The following UNC13B variants were observed in gnomAD, a reference collection of about 807,000 sequenced individuals.
UNC13B encodes unc-13 homolog B.
In UNC13B, 144 loss-of-function variants were observed where a neutral mutation model predicts 211.0. That is an observed-to-expected ratio of 0.68 (90% CI 0.60 to 0.78). The LOEUF (loss-of-function observed/expected upper bound fraction) is 0.78, where lower values mean the gene tolerates loss of function less well. Among genes scored for constraint, UNC13B ranks in the 30% least tolerant of loss-of-function variants. The pLI is 0.00. For synonymous variants in UNC13B, 709 were observed against 725.8 expected (o/e 0.98, Z 0.37); for missense variants, 1,777 against 2,002.0 (o/e 0.89, Z 2.14).
intron 11 of UNC13B, among the ~76,000 whole-genome samples, chr9:35,325,453 A>G (rs1217603006): frequency 6.6e-6 from 1 of 152,226 alleles, no homozygotes; most frequent in Non-Finnish European, 1.5e-5. Context: ...TAAGTGACAT[A>G]GAGACAAGGA....
At chr9:35,285,838 A>G (rs371711070) in intron 7 of UNC13B, among the ~76,000 whole-genome samples, 1 of 152,210 alleles carries the variant, frequency 6.6e-6, no homozygotes, top group South Asian at 2.1e-4. Context: ...AAGGAAGGAG[A>G]TTTCAGCAGA....
intron 1 of UNC13B, among the ~76,000 whole-genome samples, chr9:35,209,219 C>T (rs1009869918): frequency 6.6e-5 from 10 of 152,050 alleles, no homozygotes; most frequent in South Asian, 4.2e-4. Flanking sequence ...CATATACCAC[C>T]GCACCGGCTA....
chr9:35,231,043 T>A, intron 2 of UNC13B, 77 bp from the exon 3 acceptor site: 1 of 954,924 alleles, frequency 1.0e-6, no homozygotes, highest in Non-Finnish European at 1.6e-6. Context: ...TCTATATTGC[T>A]TAATTCCAAG....
At chr9:35,181,798 T>C (rs1054594889) in intron 1 of UNC13B, among the ~76,000 whole-genome samples, 2 of 152,130 alleles carry the variant, frequency 1.3e-5, no homozygotes, top group African/African-American at 4.8e-5. Context: ...GATCAGCCAC[T>C]GCACTTCAGC....
chr9:35,370,283 A>T (rs1938027702), intron 12 of UNC13B, 35 bp from the exon 13 acceptor site: 8 of 1,603,004 alleles, frequency 5.0e-6, no homozygotes, highest in Non-Finnish European at 6.8e-6. Flanking sequence ...TCAAAGCAAG[A>T]CTGACGGTCC....
chr9:35,180,482 C>CT (rs545028895), intron 1 of UNC13B, among the ~76,000 whole-genome samples: 60 of 148,502 alleles, frequency 4.0e-4, no homozygotes, highest in African/African-American at 9.4e-4. Flanking sequence ...ACAATTTATT[C>CT]TTTTTTTTTT....
chr9:35,308,982 T>A (rs1479008631), intron 9 of UNC13B, among the ~76,000 whole-genome samples: 1 of 152,222 alleles, frequency 6.6e-6, no homozygotes, highest in East Asian at 1.9e-4. Context: ...CATAGTTTCT[T>A]CCATGGTATC....
At chr9:35,186,926 G>A (rs1446293871) in intron 1 of UNC13B, among the ~76,000 whole-genome samples, 1 of 152,018 alleles carries the variant, frequency 6.6e-6, no homozygotes, top group Non-Finnish European at 1.5e-5. Flanking sequence ...TAGCCAGGGT[G>A]TGACATATTA....
In UNC13B at chr9:35,390,719, G is replaced by A. The variant is rs147655003; in HGVS notation, c.11308+5G>A. 1 of 1,613,314 alleles carries A rather than the reference G, an allele frequency of 6.2e-7. No individual in the cohort carries two copies. The highest frequency in any genetic ancestry group is 1.3e-5 in the African/African-American group (1 of 74,988). On this transcript the variant is annotated splice_donor_5th_base_variant and intron_variant, in intron 26 of 39. Coordinates refer to ENST00000635942, the MANE Select transcript of UNC13B (RefSeq NM_001371189.2). ...ACATGAAATATGCATTGGAGGGTAA[G>A]GATCTGTTCAAATCAGTGGGCTGCC... is the stretch of plus-strand genomic sequence containing the variant.
intron 1 of UNC13B, among the ~76,000 whole-genome samples, chr9:35,218,486 G>A (rs1360162315): frequency 2.0e-5 from 3 of 151,860 alleles, no homozygotes; most frequent in Admixed American, 6.6e-5. Flanking sequence ...AGACTAGAGT[G>A]CAGTGGCATG....
At chr9:35,317,517 G>A (rs1032898270) in intron 11 of UNC13B, among the ~76,000 whole-genome samples, 4 of 129,382 alleles carry the variant, frequency 3.1e-5, no homozygotes, top group Admixed American at 7.9e-5. Context: ...GGCTAAAGAA[G>A]CTTTTTTTTT....
intron 7 of UNC13B, among the ~76,000 whole-genome samples, chr9:35,273,780 G>A (rs1268071632): frequency 6.6e-6 from 1 of 152,232 alleles, no homozygotes; most frequent in African/African-American, 2.4e-5. Context: ...CCAGAAACAA[G>A]ACTAGCTTTA....
intron 1 of UNC13B, among the ~76,000 whole-genome samples, chr9:35,170,166 T>TA (rs796679569): frequency 6.6e-6 from 1 of 152,306 alleles, no homozygotes; most frequent in South Asian, 2.1e-4. Context: ...ATTACTGTTT[T>TA]TTTTTTGTTT....
In UNC13B at chr9:35,377,551, C is replaced by A. The variant is rs374967761; in HGVS notation, c.9919C>A (p.Arg3307=). The A allele has an allele frequency of 4.3e-6, 7 of 1,614,076 alleles. No homozygotes were observed. The highest frequency in any genetic ancestry group is 5.9e-6 in the Non-Finnish European group (7 of 1,180,048). The part of the protein sequence containing the change: ...IMAMKDRMKI[R]ERNKPEIFEV... ...GGCCATGAAGGACCGCATGAAGATC[C>A]GAGAGCGAAATAAGCCAGAGATCTT... Residue 3307 remains arginine (R), a synonymous_variant, in exon 16 of 40, where the codon CGA becomes AGA. Transcript: ENST00000635942.
intron 31 of UNC13B, 64 bp from the exon 32 acceptor site, chr9:35,398,490 G>C: frequency 6.6e-7 from 1 of 1,508,262 alleles, no homozygotes; most frequent in Non-Finnish European, 9.2e-7. Flanking sequence ...AAGTAGTAGG[G>C]GTGTGGCAGG....
At chr9:35,183,224 T>C (rs1426854136) in intron 1 of UNC13B, among the ~76,000 whole-genome samples, 1 of 102,494 alleles carries the variant, frequency 9.8e-6, no homozygotes, top group Non-Finnish European at 1.9e-5. Flanking sequence ...GCAGAGGCGC[T>C]CCCCACCTCC....
chr9:35,323,762 A>C (rs1830862226), intron 11 of UNC13B, among the ~76,000 whole-genome samples: 2 of 152,032 alleles, frequency 1.3e-5, no homozygotes, highest in African/African-American at 4.8e-5. Context: ...GTCAGAAGTG[A>C]GGTTTGGTTT....
chr9:35,204,366 G>T (rs1264661821), intron 1 of UNC13B, among the ~76,000 whole-genome samples: 2 of 152,254 alleles, frequency 1.3e-5, no homozygotes, highest in Non-Finnish European at 2.9e-5. Context: ...CCACACTGGG[G>T]CACTGCCTAG....
At chr9:35,170,429 G>A (rs1229411971) in intron 1 of UNC13B, among the ~76,000 whole-genome samples, 1 of 151,770 alleles carries the variant, frequency 6.6e-6, no homozygotes, top group Non-Finnish European at 1.5e-5. Context: ...GCCTCCCAAA[G>A]TGTTGGGATT....
Sources: allele counts gnomAD v4.1 joint callset (sites outside exome capture counted in the v4.1 genomes callset), GRCh38; gene constraint gnomAD v4.1.1; transcripts MANE v1.5; gene names NCBI Gene and HGNC (gene_info 2026-07-23, HGNC 2026-07-21).